Variants in CLOCK observed in about 807,000 individuals in gnomAD.
CLOCK encodes clock circadian regulator, also known as circadian locomoter output cycles protein kaput.
A neutral mutation model predicts 118.4 loss-of-function variants in CLOCK; 43 were observed. The observed-to-expected ratio is 0.36, with a 90% CI of 0.28 to 0.47. CLOCK has a LOEUF of 0.47. Among genes scored for constraint, CLOCK ranks in the 20% least tolerant of loss-of-function variants. The probability of loss-of-function intolerance (pLI) is 1.00; values close to 1 mark genes in which losing one functional copy is unlikely to be tolerated. For synonymous variants in CLOCK, 326 were observed against 339.2 expected (o/e 0.96, Z 0.43); for missense variants, 846 against 999.9 (o/e 0.85, Z 2.08).
intron 1 of CLOCK, among the ~76,000 whole-genome samples, chr4:55,545,025 A>T (rs1489492783): frequency 2.8e-5 from 4 of 144,384 alleles, no homozygotes; most frequent in Non-Finnish European, 3.1e-5. Flanking sequence ...GCTTTAGAAC[A>T]TTTTCAGTCT....
At chr4:55,479,004 T>G in intron 5 of CLOCK, 41 bp from the exon 6 acceptor site, 1 of 1,471,600 alleles carries the variant, frequency 6.8e-7, no homozygotes, top group Non-Finnish European at 9.3e-7. Flanking sequence ...ACAATCCATT[T>G]AATTACACAA....
At position 55,486,944 on chromosome 4, in the gene CLOCK, T is replaced by C. The variant is rs543925847; in HGVS notation, c.-44+2430A>G. 8.5e-5 allele frequency among the ~76,000 whole-genome samples: 13 copies of C among 152,304 alleles called. No individual in the cohort carries two copies. The South Asian group carries it at 1.5e-3, about 17-fold the overall frequency. Reference sequence around the variant, plus strand: ...TCTATTCTTTGTTTTTCCCCTCTGTTTCCTCTCTCTCCTTCTGGAGCACTT... The same window carrying C: ...TCTATTCTTTGTTTTTCCCCTCTGTCTCCTCTCTCTCCTTCTGGAGCACTT... On this transcript the variant is annotated intron_variant, in intron 3 of 22. Coordinates refer to ENST00000513440, the MANE Select transcript of CLOCK (RefSeq NM_004898.4).
At chr4:55,455,282 C>T (rs903301563) in intron 13 of CLOCK, among the ~76,000 whole-genome samples, 6 of 152,162 alleles carry the variant, frequency 3.9e-5, no homozygotes, top group Admixed American at 2.6e-4. Context: ...AATCCTGTCT[C>T]TGCCACCAAT....
intron 6 of CLOCK, among the ~76,000 whole-genome samples, chr4:55,476,517 C>A (rs184100031): frequency 1.1e-4 from 17 of 152,178 alleles, no homozygotes; most frequent in African/African-American, 4.1e-4. Context: ...GGCCTGCCTA[C>A]TGCTGGGCAA....
chr4:55,521,816 T>C (rs1372540761), intron 1 of CLOCK, among the ~76,000 whole-genome samples: 2 of 152,066 alleles, frequency 1.3e-5, no homozygotes, highest in Non-Finnish European at 2.9e-5. Context: ...GGTATGCATA[T>C]ATGAGTGTGT....
At position 55,435,176 on chromosome 4, in the gene CLOCK, C is replaced by T; in HGVS notation, c.*239G>A. 5.6e-6 allele frequency: 3 copies of T among 533,056 alleles called. No individual in the cohort carries two copies. Among genetic ancestry groups the T allele is most frequent in the Non-Finnish European group, 1.0e-5 (3 of 294,456 alleles). The allele number at this position is 533,056 out of a possible 1,614,324, so 33.0% of individuals were successfully genotyped here. A position where few individuals can be genotyped will look rare whatever the true frequency, so the allele number is the denominator to read the frequency against. On this transcript the variant is annotated 3_prime_UTR_variant, in exon 23 of 23. Coordinates refer to ENST00000513440, the MANE Select transcript of CLOCK (RefSeq NM_004898.4). ...CTTTTTCCATCAAAAAATATCCAGGCACCTAAAACACTGTCAGAACTGGCT... is the reference window on the plus strand; with the variant it reads ...CTTTTTCCATCAAAAAATATCCAGGTACCTAAAACACTGTCAGAACTGGCT...
At chr4:55,541,372 G>C (rs1731257387) in intron 1 of CLOCK, among the ~76,000 whole-genome samples, 1 of 152,150 alleles carries the variant, frequency 6.6e-6, no homozygotes, top group Non-Finnish European at 1.5e-5. Flanking sequence ...AGGAGAAAAT[G>C]CAACAGCCAT....
At chr4:55,460,295 T>C (rs189182998) in intron 9 of CLOCK, among the ~76,000 whole-genome samples, 5 of 152,302 alleles carry the variant, frequency 3.3e-5, no homozygotes, top group Admixed American at 3.3e-4. Flanking sequence ...TTCACAAAGG[T>C]TCTTCTGATC....
chr4:55,475,682 T>C (rs1387373170), intron 7 of CLOCK, among the ~76,000 whole-genome samples: 3 of 152,186 alleles, frequency 2.0e-5, no homozygotes. Flanking sequence ...AGCAAAAAGA[T>C]TAAGACTTGC....
At chr4:55,452,469 A>T (rs1724553030) in intron 15 of CLOCK, 1 of 152,666 alleles carries the variant, frequency 6.6e-6, no homozygotes, top group South Asian at 2.1e-4. Flanking sequence ...GCCTCATGAA[A>T]GAATCTGAAG....
At position 55,435,061 on chromosome 4, in the gene CLOCK, A is replaced by G; in HGVS notation, c.*354T>C. 1 of 335,324 alleles carries G rather than the reference A, an allele frequency of 3.0e-6. No homozygotes were observed. 20.8% of individuals were successfully genotyped at this position (335,324 alleles called of 1,614,324 possible). A position where few individuals can be genotyped will look rare whatever the true frequency, so the allele number is the denominator to read the frequency against. ...CTGTAACACTTGATAAGAGGCACAGAACCACTAAAAGTTACTAACATCATT... is the reference window on the plus strand; with the variant it reads ...CTGTAACACTTGATAAGAGGCACAGGACCACTAAAAGTTACTAACATCATT... On this transcript the variant is annotated 3_prime_UTR_variant, in exon 23 of 23. Coordinates refer to ENST00000513440, the MANE Select transcript of CLOCK (RefSeq NM_004898.4).
intron 2 of CLOCK, among the ~76,000 whole-genome samples, chr4:55,500,246 C>T (rs552981143): frequency 6.6e-6 from 1 of 152,150 alleles, no homozygotes; most frequent in South Asian, 2.1e-4. Context: ...TTTGACTTCC[C>T]TTCTCAGTTT....
chr4:55,455,195 A>G (rs999103146), intron 13 of CLOCK, among the ~76,000 whole-genome samples: 1 of 152,172 alleles, frequency 6.6e-6, no homozygotes, highest in Non-Finnish European at 1.5e-5. Context: ...AATAAAACAT[A>G]TCATTAAGGC....
chr4:55,463,538 T>C, intron 9 of CLOCK, 147 bp downstream of exon 9: 1 of 569,116 alleles, frequency 1.8e-6, no homozygotes, highest in South Asian at 2.9e-5. Flanking sequence ...AATTTCATTT[T>C]ATATATATTT....
In CLOCK at chr4:55,459,000, T is replaced by C. The variant is rs909606405; in HGVS notation, c.684A>G (p.Ser228=). ...TAGTTCCTTCAAAACCATTGTGTGCTGAAGAGGATACTAAAACAATAGGGA... is the reference window on the plus strand; with the variant it reads ...TAGTTCCTTCAAAACCATTGTGTGCCGAAGAGGATACTAAAACAATAGGGA... The part of the protein sequence containing the change: ...NFKSLNSVSS[S]AHNGFEGTIQ... The change falls in exon 11 of 23, where the codon TCA becomes TCG. Residue 228 remains serine (S), a synonymous_variant. Coordinates refer to ENST00000513440, the MANE Select transcript of CLOCK (RefSeq NM_004898.4). The C allele has an allele frequency of 1.1e-5, 17 of 1,611,848 alleles. No individual in the cohort carries two copies. Among genetic ancestry groups the C allele is most frequent in the Non-Finnish European group, 1.2e-5 (14 of 1,178,086 alleles).
intron 1 of CLOCK, among the ~76,000 whole-genome samples, chr4:55,515,750 G>C (rs763234029): frequency 5.9e-5 from 9 of 152,184 alleles, no homozygotes; most frequent in Non-Finnish European, 1.2e-4. Flanking sequence ...ACTTTTTGTA[G>C]TTTCCTAAGG....
chr4:55,443,621 G>A (rs1723549055), intron 20 of CLOCK, 66 bp downstream of exon 20: 1 of 1,208,794 alleles, frequency 8.3e-7, no homozygotes, highest in African/African-American at 1.5e-5. Flanking sequence ...CTTTATTTCT[G>A]CTTCAGCAAT....
intron 15 of CLOCK, 113 bp from the exon 16 acceptor site, chr4:55,450,345 A>G: frequency 8.2e-7 from 1 of 1,218,452 alleles, no homozygotes; most frequent in Non-Finnish European, 1.2e-6. Context: ...ACAAGGCAAA[A>G]GTACCTGTAT....
chr4:55,457,387 T>C (rs1038556413), intron 11 of CLOCK, among the ~76,000 whole-genome samples: 1 of 152,188 alleles, frequency 6.6e-6, no homozygotes, highest in African/African-American at 2.4e-5. Context: ...TAAAAATCAA[T>C]TCTATCTCAT....
Sources: allele counts gnomAD v4.1 joint callset (sites outside exome capture counted in the v4.1 genomes callset), GRCh38; gene constraint gnomAD v4.1.1; transcripts MANE v1.5; gene names NCBI Gene and HGNC (gene_info 2026-07-23, HGNC 2026-07-21).